HSD17B12: variants seen among roughly 807,000 people sequenced by gnomAD.
The protein encoded by HSD17B12 is hydroxysteroid 17-beta dehydrogenase 12, also known as very-long-chain 3-oxoacyl-CoA reductase.
HSD17B12 carries 32 observed loss-of-function variants against 39.3 expected under a neutral mutation model. That is an observed-to-expected ratio of 0.81 (90% CI 0.61 to 1.09). The LOEUF is 1.09. HSD17B12 is among the 50% of genes least tolerant of loss of function. The pLI, the probability that HSD17B12 is intolerant of heterozygous loss-of-function variation, is 0.00. For missense variants in HSD17B12, 342 were observed against 382.9 expected (o/e 0.89, Z 0.89); for synonymous variants, 150 against 146.7 (o/e 1.02, Z -0.16).
At chr11:43,667,210 G>C in the HSD17B12 span, among the ~76,000 whole-genome samples, 2 of 152,138 alleles carry the variant, frequency 1.3e-5, no homozygotes, top group African/African-American at 2.4e-5. Flanking sequence ...GGAGTGTAGT[G>C]GTGCAATCTT....
the HSD17B12 span, among the ~76,000 whole-genome samples, chr11:43,575,516 G>C: frequency 6.6e-6 from 1 of 152,228 alleles, no homozygotes; most frequent in Non-Finnish European, 1.5e-5. The surrounding 1 kb of genome is among the most constrained non-coding windows in gnomAD (Gnocchi z 4.1). Context: ...TGGGGAGGGG[G>C]CTGTCCTGCT....
upstream of HSD17B12, among the ~76,000 whole-genome samples, chr11:43,676,309 C>T (rs745798941): frequency 1.3e-5 from 2 of 151,016 alleles, no homozygotes; most frequent in African/African-American, 2.4e-5. Flanking sequence ...AGTAGAGATG[C>T]GAATAGGCAG....
chr11:43,673,881 G>A, the HSD17B12 span, among the ~76,000 whole-genome samples: 1 of 151,896 alleles, frequency 6.6e-6, no homozygotes, highest in Non-Finnish European at 1.5e-5. Flanking sequence ...ACACCTTTTT[G>A]GTTCAAATTC....
intron 9 of HSD17B12, among the ~76,000 whole-genome samples, chr11:43,847,543 A>G (rs1951488318): frequency 6.6e-6 from 1 of 151,946 alleles, no homozygotes; most frequent in Non-Finnish European, 1.5e-5. Context: ...TGTCTCTACA[A>G]AAAATAGAAA....
At chr11:43,795,025 A>G (rs920845585) in intron 3 of HSD17B12, among the ~76,000 whole-genome samples, 10 of 91,380 alleles carry the variant, frequency 1.1e-4, no homozygotes, top group Non-Finnish European at 2.5e-4. Flanking sequence ...TGGTTTTATG[A>G]AAAAAAACAG....
Position 43,742,761 on chromosome 11 carries a change from T to TG in HSD17B12, c.161-8150_161-8149insG, listed in dbSNP as rs146238567. 7.5e-3 allele frequency among the ~76,000 whole-genome samples: 1,054 copies of TG among 141,398 alleles called. 9 individuals carry two copies. Among genetic ancestry groups the TG allele is most frequent in the Middle Eastern group, 0.011 (3 of 280 alleles). The allele number at this position is 141,398 out of a possible 152,430, so 92.8% of individuals were successfully genotyped here. A position where few individuals can be genotyped will look rare whatever the true frequency, so the allele number is the denominator to read the frequency against. On this transcript the variant is annotated intron_variant, in intron 1 of 10. Coordinates refer to ENST00000278353, the MANE Select transcript of HSD17B12 (RefSeq NM_016142.3). ...GATTTCCAGTTTTTTTGTGTGTGTG[T>TG]TTTTTTTTTGTGCCCATAAATAATT...
At chr11:43,754,300 C>T (rs917155663) in intron 3 of HSD17B12, among the ~76,000 whole-genome samples, 179 bp downstream of exon 3, 8 of 152,166 alleles carry the variant, frequency 5.3e-5, no homozygotes, top group Middle Eastern at 3.4e-3. Context: ...AGGCTGGGTG[C>T]GGTGGCTCAC....
At chr11:43,691,835 C>T (rs1293591731) in intron 1 of HSD17B12, among the ~76,000 whole-genome samples, 1 of 152,150 alleles carries the variant, frequency 6.6e-6, no homozygotes, top group African/African-American at 2.4e-5. Flanking sequence ...GCCTCCAGGG[C>T]CTTGCTTGTG....
the HSD17B12 span, among the ~76,000 whole-genome samples, chr11:43,565,602 A>T: frequency 6.6e-6 from 1 of 152,150 alleles, no homozygotes; most frequent in Non-Finnish European, 1.5e-5. Context: ...GCTCCTGAAA[A>T]CTGTCTTTTC....
chr11:43,728,258 G>A (rs982515673), intron 1 of HSD17B12, among the ~76,000 whole-genome samples: 16 of 151,960 alleles, frequency 1.1e-4, no homozygotes, highest in African/African-American at 3.9e-4. Context: ...TAGAGATGGG[G>A]TTTCACCATG....
At chr11:43,652,021 G>A in the HSD17B12 span, among the ~76,000 whole-genome samples, 1 of 152,140 alleles carries the variant, frequency 6.6e-6, no homozygotes, top group South Asian at 2.1e-4. Flanking sequence ...TACCATGTTC[G>A]TGGATTGGAA....
At chr11:43,669,226 C>G in the HSD17B12 span, among the ~76,000 whole-genome samples, 1 of 152,008 alleles carries the variant, frequency 6.6e-6, no homozygotes, top group African/African-American at 2.4e-5. Context: ...ATTGGCCAGG[C>G]AAGGTGGCTC....
chr11:43,810,389 A>ATATATATG (rs913881769), intron 4 of HSD17B12, among the ~76,000 whole-genome samples: 2 of 129,090 alleles, frequency 1.5e-5, no homozygotes, highest in Non-Finnish European at 3.3e-5. Context: ...ATATATATAT[A>ATATATATG]TATATATATA....
chr11:43,713,611 C>A (rs1190823802), intron 1 of HSD17B12, among the ~76,000 whole-genome samples: 1 of 152,140 alleles, frequency 6.6e-6, no homozygotes, highest in Non-Finnish European at 1.5e-5. Context: ...GTCTTTATAG[C>A]AGCATGATTT....
intron 7 of HSD17B12, among the ~76,000 whole-genome samples, chr11:43,832,332 AG>A (rs1323090589): frequency 4.6e-5 from 7 of 152,244 alleles, no homozygotes; most frequent in African/African-American, 1.7e-4. Flanking sequence ...CCATTAAAAA[AG>A]AAACACTTAT....
the HSD17B12 span, among the ~76,000 whole-genome samples, chr11:43,666,412 C>T: frequency 6.6e-6 from 1 of 152,024 alleles, no homozygotes; most frequent in Non-Finnish European, 1.5e-5. Flanking sequence ...GCCATACTGC[C>T]CAGGCTGGTC....
intron 1 of HSD17B12, among the ~76,000 whole-genome samples, chr11:43,723,467 T>G (rs548268713): frequency 6.6e-6 from 1 of 152,336 alleles, no homozygotes; most frequent in African/African-American, 2.4e-5. Flanking sequence ...ATTATCATAT[T>G]ATCATGAGAT....
chr11:43,581,318 C>A, the HSD17B12 span: 7 of 470,524 alleles, frequency 1.5e-5, no homozygotes, highest in African/African-American at 1.2e-4. The surrounding 1 kb of genome is among the most constrained non-coding windows in gnomAD (Gnocchi z 4.9). Context: ...GCTGGGGAGA[C>A]CCAGCCTGTT....
intron 4 of HSD17B12, among the ~76,000 whole-genome samples, chr11:43,799,267 C>G (rs562274804): frequency 2.6e-5 from 4 of 152,020 alleles, no homozygotes; most frequent in African/African-American, 9.7e-5. Context: ...ATTCCCACCC[C>G]ACCCTGACCA....
Sources: gnomAD v4.1 joint callset for allele counts (sites outside exome capture counted in the v4.1 genomes callset) on GRCh38, gnomAD v4.1.1 for gene constraint, Gnocchi (gnomAD v3.1) non-coding constraint, MANE v1.5 for transcripts, NCBI Gene and HGNC (gene_info 2026-07-23, HGNC 2026-07-21) for gene names.